Variants in OXR1 observed in about 807,000 individuals in gnomAD.
OXR1 encodes oxidation resistance protein 1.
Under a neutral mutation model 104.6 loss-of-function variants are expected in OXR1, and 41 were observed. The observed-to-expected ratio is 0.39, with a 90% confidence interval of 0.31 to 0.51. OXR1 has a LOEUF of 0.51. OXR1 is among the 20% of genes least tolerant of loss of function. The pLI is 0.77. For synonymous variants in OXR1, 348 were observed against 348.4 expected (o/e 1.00, Z 0.01); for missense variants, 955 against 1,031.9 (o/e 0.93, Z 1.02).
At chr8:106,560,380 T>A (rs1816589267) in intron 3 of OXR1, among the ~76,000 whole-genome samples, 1 of 152,178 alleles carries the variant, frequency 6.6e-6, no homozygotes. Context: ...AATCCACCCT[T>A]AAGCCCATCT....
At chr8:106,306,432 A>G (rs1238079486) in intron 1 of OXR1, among the ~76,000 whole-genome samples, 1 of 152,118 alleles carries the variant, frequency 6.6e-6, no homozygotes, top group East Asian at 1.9e-4. Flanking sequence ...ATAGTTCAAG[A>G]TATTTACCAA....
intron 1 of OXR1, among the ~76,000 whole-genome samples, chr8:106,320,685 G>T (rs1814178256): frequency 6.6e-6 from 1 of 151,196 alleles, no homozygotes; most frequent in Admixed American, 6.6e-5. Context: ...TTTTTGGGGG[G>T]GGCGGGGACA....
intron 3 of OXR1, among the ~76,000 whole-genome samples, chr8:106,519,611 AG>A (rs1813113519): frequency 6.6e-6 from 1 of 152,218 alleles, no homozygotes. Context: ...AAAGCCAGTA[AG>A]AAAGTAACGT....
intron 2 of OXR1, among the ~76,000 whole-genome samples, chr8:106,480,508 T>C (rs1371950139): frequency 6.6e-6 from 1 of 152,024 alleles, no homozygotes; most frequent in African/African-American, 2.4e-5. Flanking sequence ...TGACTGGATA[T>C]TGAGTGTTAA....
chr8:106,598,468 C>G (rs1478935573), intron 3 of OXR1, among the ~76,000 whole-genome samples: 1 of 152,156 alleles, frequency 6.6e-6, no homozygotes, highest in African/African-American at 2.4e-5. Flanking sequence ...ACTTACCAAT[C>G]AATGTCTGGC....
chr8:106,534,006 C>T (rs115963945), intron 3 of OXR1, among the ~76,000 whole-genome samples: 9 of 152,228 alleles, frequency 5.9e-5, no homozygotes, highest in African/African-American at 1.4e-4. Flanking sequence ...AACCACCACG[C>T]GCAGCCAGGT....
chr8:106,643,352 C>T (rs1045922373), intron 3 of OXR1, among the ~76,000 whole-genome samples: 5 of 151,998 alleles, frequency 3.3e-5, no homozygotes, highest in African/African-American at 1.2e-4. Context: ...AACAGATGGC[C>T]GGCCAGATTT....
chr8:106,687,666 G>C (rs1445342585), intron 6 of OXR1, among the ~76,000 whole-genome samples: 7 of 151,148 alleles, frequency 4.6e-5, no homozygotes, highest in African/African-American at 1.7e-4. Context: ...GTTGCAGTGA[G>C]CCACGCCACT....
chr8:106,425,700 T>C (rs1819089550), intron 2 of OXR1, among the ~76,000 whole-genome samples: 2 of 152,160 alleles, frequency 1.3e-5, no homozygotes, highest in Admixed American at 1.3e-4. Flanking sequence ...CTTTAAAAAC[T>C]GTGCCAAAGA....
intron 2 of OXR1, among the ~76,000 whole-genome samples, chr8:106,391,754 A>G (rs998441168): frequency 5.9e-5 from 9 of 152,102 alleles, no homozygotes; most frequent in Non-Finnish European, 5.9e-5. Flanking sequence ...GTGTTTTTCC[A>G]TACAGTATTC....
intron 3 of OXR1, among the ~76,000 whole-genome samples, chr8:106,521,780 G>A (rs1417919105): frequency 6.6e-6 from 1 of 152,124 alleles, no homozygotes; most frequent in African/African-American, 2.4e-5. Flanking sequence ...CCAAAGTGCT[G>A]GGGTTACAGG....
At position 106,679,202 on chromosome 8, in the gene OXR1, T is replaced by C. The variant is rs1158095259; in HGVS notation, c.221-8T>C. The stretch of plus-strand genomic sequence containing the variant: ...GAATTTAATAGGAATTTTGCCTTTT[T>C]TTCCCAGACACTGGCCAAAAGAAGA... On this transcript the variant is annotated splice_region_variant and splice_polypyrimidine_tract_variant and intron_variant, in intron 3 of 16. Coordinates refer to ENST00000517566, the MANE Select transcript of OXR1 (RefSeq NM_001198533.2). The C allele has an allele frequency of 6.3e-7, 1 of 1,595,638 alleles. No homozygotes were observed. Among genetic ancestry groups the C allele is most frequent in the Admixed American group, 1.7e-5 (1 of 58,376 alleles).
intron 1 of OXR1, among the ~76,000 whole-genome samples, chr8:106,337,546 A>G (rs1815014991): frequency 6.6e-6 from 1 of 152,206 alleles, no homozygotes; most frequent in Non-Finnish European, 1.5e-5. Flanking sequence ...TTTCTAAGCC[A>G]TCAATTTTAT....
rs975983770 is a variant in OXR1 at position 106,752,251 on chromosome 8, G to A, written c.*1310G>A. ...GTGTAGTTTTGTTCTTACAGAAAGT[G>A]TTGATTGCCAGGTTGCTTATAGCAC... On this transcript the variant is annotated 3_prime_UTR_variant, in exon 17 of 17. Transcript: ENST00000517566. 1 of 152,470 alleles carries A rather than the reference G, an allele frequency of 6.6e-6. No individual in the cohort carries two copies. 9.4% of individuals were successfully genotyped at this position (152,470 alleles called of 1,614,324 possible).
At chr8:106,343,403 T>A (rs903565610) in intron 1 of OXR1, among the ~76,000 whole-genome samples, 3 of 152,244 alleles carry the variant, frequency 2.0e-5, no homozygotes, top group African/African-American at 7.2e-5. Flanking sequence ...CTAGGTTGAA[T>A]GATGTCAACG....
chr8:106,510,412 C>T (rs561027467), intron 2 of OXR1, among the ~76,000 whole-genome samples: 17 of 152,232 alleles, frequency 1.1e-4, no homozygotes, highest in African/African-American at 3.6e-4. Context: ...ACCTCTTTCT[C>T]TGAACTGATG....
chr8:106,717,384 G>T (rs935018277), intron 11 of OXR1, among the ~76,000 whole-genome samples: 1 of 152,074 alleles, frequency 6.6e-6, no homozygotes, highest in Non-Finnish European at 1.5e-5. Flanking sequence ...TGGAGAATAG[G>T]TGTCCTAGAA....
intron 2 of OXR1, among the ~76,000 whole-genome samples, chr8:106,364,361 C>T (rs1816377358): frequency 6.6e-6 from 1 of 152,138 alleles, no homozygotes; most frequent in African/African-American, 2.4e-5. Flanking sequence ...GGGTGGATCA[C>T]TTGAAGTCAG....
At position 106,574,763 on chromosome 8, in the gene OXR1, T is replaced by C. The variant is rs552577312; in HGVS notation, c.220+55624T>C. Among the ~76,000 whole-genome samples the C allele has an allele frequency of 5.3e-5, 8 of 152,354 alleles. No individual in the cohort carries two copies. The East Asian group carries it at 1.3e-3, about 26-fold the overall frequency. ...AGAACATAAGATTCTTATACACTTATGAAAATAGTGCTTCTAATGCAGCTT... is the reference window on the plus strand; with the variant it reads ...AGAACATAAGATTCTTATACACTTACGAAAATAGTGCTTCTAATGCAGCTT... On this transcript the variant is annotated intron_variant, in intron 3 of 16. Coordinates refer to ENST00000517566, the MANE Select transcript of OXR1 (RefSeq NM_001198533.2).
Sources: gnomAD v4.1 joint callset for allele counts (sites outside exome capture counted in the v4.1 genomes callset) on GRCh38, gnomAD v4.1.1 for gene constraint, MANE v1.5 for transcripts, NCBI Gene and HGNC (gene_info 2026-07-23, HGNC 2026-07-21) for gene names.